The following B3GLCT variants were observed in gnomAD, a reference collection of about 807,000 sequenced individuals.
The protein encoded by B3GLCT is beta 3-glucosyltransferase.
A neutral mutation model predicts 63.4 loss-of-function variants in B3GLCT; 65 were observed. The ratio of observed to expected loss-of-function variants is 1.03; its 90% CI spans 0.84 to 1.26. The LOEUF (loss-of-function observed/expected upper bound fraction) is 1.26. Ranked by LOEUF, B3GLCT falls within the 50% of genes most tolerant of loss-of-function variation. The pLI is 0.00. For missense variants in B3GLCT, 577 were observed against 604.8 expected, an observed-to-expected ratio of 0.95 and a Z score of 0.48; for synonymous variants, 233 against 219.2, an observed-to-expected ratio of 1.06 and a Z score of -0.55.
chr13:31,221,947 C>G (rs546777244), intron 2 of B3GLCT, among the ~76,000 whole-genome samples: 2 of 152,318 alleles, frequency 1.3e-5, no homozygotes, highest in East Asian at 3.9e-4. Flanking sequence ...TTGCACTTTG[C>G]CAGATAAATC....
intron 6 of B3GLCT, among the ~76,000 whole-genome samples, chr13:31,251,811 A>G (rs1011426496): frequency 6.6e-6 from 1 of 152,250 alleles, no homozygotes; most frequent in Non-Finnish European, 1.5e-5. Flanking sequence ...ATTATCCGGG[A>G]GAACTTCCCC....
intron 7 of B3GLCT, among the ~76,000 whole-genome samples, chr13:31,262,410 A>T (rs1465256759): frequency 1.3e-5 from 2 of 152,230 alleles, no homozygotes; most frequent in Non-Finnish European, 2.9e-5. Flanking sequence ...GCCTAAGAGC[A>T]TCTGCACAGT....
intron 7 of B3GLCT, among the ~76,000 whole-genome samples, chr13:31,266,216 C>T (rs139096283): frequency 0.049 from 7,389 of 151,948 alleles, 256 homozygotes; most frequent in Non-Finnish European, 0.059. Flanking sequence ...GCCAGGATGG[C>T]CTCGATCTCC....
rs544334869 is a variant in B3GLCT at position 31,320,658 on chromosome 13, A to G, written c.1184+2973A>G. On this transcript the variant is annotated intron_variant, in intron 13 of 14. Transcript: ENST00000343307. ...ACTTCTCCCATTGCCTTTAGGATCAAGTCTGCACTCCAAGGCTTATAAGAC... is the reference window on the plus strand; with the variant it reads ...ACTTCTCCCATTGCCTTTAGGATCAGGTCTGCACTCCAAGGCTTATAAGAC... 2.6e-5 allele frequency among the ~76,000 whole-genome samples: 4 copies of G among 152,324 alleles called. No homozygotes were observed. The South Asian group carries it at 8.3e-4, about 32-fold the overall frequency.
rs916791763 is a variant in B3GLCT at position 31,330,066 on chromosome 13, C to A, written c.*398C>A. The A allele has an allele frequency of 4.6e-6, 1 of 219,490 alleles. No individual in the cohort carries two copies. The highest frequency in any genetic ancestry group is 7.1e-5 in the South Asian group (1 of 14,066). 13.6% of individuals were successfully genotyped at this position (219,490 alleles called of 1,614,324 possible). On this transcript the variant is annotated 3_prime_UTR_variant, in exon 15 of 15. Transcript: ENST00000343307. ...TGGAGAGATGTGACTGTCTACAGTT[C>A]TATTTGTATATATAAAAAGAAGACT...
At chr13:31,201,935 A>G (rs977523294) in intron 1 of B3GLCT, among the ~76,000 whole-genome samples, 1 of 152,164 alleles carries the variant, frequency 6.6e-6, no homozygotes, top group Non-Finnish European at 1.5e-5. Context: ...GCCTTTGGGA[A>G]CTGGCTTTCA....
intron 12 of B3GLCT, among the ~76,000 whole-genome samples, chr13:31,295,037 C>G (rs911039632): frequency 7.3e-5 from 11 of 150,996 alleles, no homozygotes; most frequent in African/African-American, 2.7e-4. Flanking sequence ...CTATTCCTTT[C>G]TGTTTGTTAG....
chr13:31,235,710 A>C (rs1870616162), intron 4 of B3GLCT, among the ~76,000 whole-genome samples: 1 of 152,186 alleles, frequency 6.6e-6, no homozygotes, highest in Non-Finnish European at 1.5e-5. Context: ...CCTAAAATGC[A>C]CGTCTTAAGT....
At chr13:31,262,398 A>G (rs1872081879) in intron 7 of B3GLCT, among the ~76,000 whole-genome samples, 1 of 152,234 alleles carries the variant, frequency 6.6e-6, no homozygotes, top group South Asian at 2.1e-4. Flanking sequence ...CCTGCCAAGC[A>G]TGCCTAAGAG....
intron 3 of B3GLCT, among the ~76,000 whole-genome samples, chr13:31,225,882 C>T (rs936318508): frequency 1.3e-5 from 2 of 152,138 alleles, no homozygotes; most frequent in Non-Finnish European, 2.9e-5. Context: ...GAGCCCAAGC[C>T]TCTCAGCATG....
intron 14 of B3GLCT, among the ~76,000 whole-genome samples, chr13:31,324,899 G>T (rs965867350): frequency 6.6e-6 from 1 of 151,928 alleles, no homozygotes; most frequent in Non-Finnish European, 1.5e-5. Flanking sequence ...AGAGATGGGG[G>T]TCTTACTATG....
Position 31,298,689 on chromosome 13 carries a change from G to A in B3GLCT, c.1064+11870G>A, listed in dbSNP as rs535193695. 3.9e-5 allele frequency among the ~76,000 whole-genome samples: 6 copies of A among 152,230 alleles called. No homozygotes were observed. The South Asian group carries it at 1.2e-3, about 32-fold the overall frequency. ...AGACATCAGAATCACTACCGTTCTGGTTTAGACTGCAGGCAACAATGCTAG... is the reference window on the plus strand; with the variant it reads ...AGACATCAGAATCACTACCGTTCTGATTTAGACTGCAGGCAACAATGCTAG... On this transcript the variant is annotated intron_variant, in intron 12 of 14. Transcript: ENST00000343307.
chr13:31,268,538 A>G (rs923833184), intron 7 of B3GLCT, among the ~76,000 whole-genome samples: 6 of 152,192 alleles, frequency 3.9e-5, no homozygotes, highest in African/African-American at 1.2e-4. Context: ...GAAGATACCC[A>G]TGAGTTTGGT....
At chr13:31,206,504 G>A (rs917591207) in intron 1 of B3GLCT, among the ~76,000 whole-genome samples, 1 of 150,452 alleles carries the variant, frequency 6.6e-6, no homozygotes, top group East Asian at 2.0e-4. Context: ...ACTTTGGGAG[G>A]CTGAGGTGGG....
chr13:31,294,599 AG>A (rs1425638384), intron 12 of B3GLCT, among the ~76,000 whole-genome samples: 2 of 152,130 alleles, frequency 1.3e-5, no homozygotes, highest in Non-Finnish European at 1.5e-5. Context: ...TTGATCGATT[AG>A]GCTGTTGATA....
chr13:31,315,339 T>A (rs1874941870), intron 12 of B3GLCT, among the ~76,000 whole-genome samples: 1 of 152,164 alleles, frequency 6.6e-6, no homozygotes, highest in Admixed American at 6.5e-5. Flanking sequence ...TGGTTTCAGA[T>A]GGAGATGAGG....
chr13:31,286,052 T>C (rs1873315355), intron 11 of B3GLCT, among the ~76,000 whole-genome samples: 3 of 152,224 alleles, frequency 2.0e-5, no homozygotes, highest in Non-Finnish European at 2.9e-5. Flanking sequence ...TGTCACCAAA[T>C]AATTAAAATG....
At chr13:31,228,381 G>A (rs1420433881) in intron 3 of B3GLCT, among the ~76,000 whole-genome samples, 1 of 152,200 alleles carries the variant, frequency 6.6e-6, no homozygotes, top group Non-Finnish European at 1.5e-5. Context: ...AAGTAGTGTA[G>A]TAGTGAGCTA....
chr13:31,271,895 A>G (rs1215822939), intron 8 of B3GLCT, among the ~76,000 whole-genome samples: 1 of 152,180 alleles, frequency 6.6e-6, no homozygotes, highest in Non-Finnish European at 1.5e-5. Context: ...GAATTGTTAC[A>G]TCCTCTTAGT....
Sources: allele counts gnomAD v4.1 joint callset (sites outside exome capture counted in the v4.1 genomes callset), GRCh38; gene constraint gnomAD v4.1.1; transcripts MANE v1.5; gene names NCBI Gene and HGNC (gene_info 2026-07-23, HGNC 2026-07-21).